Variants in TYR observed in about 807,000 individuals in gnomAD.
TYR encodes the protein LB24-AB.
A neutral mutation model predicts 51.5 loss-of-function variants in TYR; 58 were observed. The ratio of observed to expected loss-of-function variants is 1.13; its 90% CI spans 0.91 to 1.40. The LOEUF is 1.40. TYR is among the 40% of genes most tolerant of loss of function. The pLI, the probability that TYR is intolerant of heterozygous loss-of-function variation, is 0.00. For missense variants in TYR, 732 were observed against 647.4 expected, an observed-to-expected ratio of 1.13 and a Z score of -1.42; for synonymous variants, 263 against 235.2, an observed-to-expected ratio of 1.12 and a Z score of -1.08.
chr11:89,201,245 CT>C (rs990722786), intron 2 of TYR, among the ~76,000 whole-genome samples: 4 of 151,248 alleles, frequency 2.6e-5, no homozygotes, highest in South Asian at 2.1e-4. Flanking sequence ...ATACCATTAG[CT>C]TTTTTTTTCT....
rs185763260 is a variant in TYR at position 89,231,079 on chromosome 11, G to A, written c.1184+3109G>A. Among the ~76,000 whole-genome samples the A allele has an allele frequency of 4.0e-3, 601 of 148,810 alleles. 5 individuals are homozygous for A. Among genetic ancestry groups the A allele is most frequent in the African/African-American group, 0.014 (565 of 40,118 alleles). ...CCAGCTACTCGGGAGGCTGAGGCAC[G>A]AGAATTGTTTTAACTTGGGAGGTAG... On this transcript the variant is annotated intron_variant, in intron 3 of 4. Transcript: ENST00000263321.
intron 1 of TYR, among the ~76,000 whole-genome samples, chr11:89,182,353 T>G (rs533183809): frequency 6.6e-6 from 1 of 152,168 alleles, no homozygotes; most frequent in African/African-American, 2.4e-5. Context: ...TCACTGCAGT[T>G]TTTTTATAGC....
chr11:89,269,548 C>G (rs187891762), intron 3 of TYR, among the ~76,000 whole-genome samples: 1 of 151,888 alleles, frequency 6.6e-6, no homozygotes, highest in Non-Finnish European at 1.5e-5. Flanking sequence ...GGTTCTTATA[C>G]TAAGTTTCTC....
At chr11:89,185,259 A>G (rs565357324) in intron 1 of TYR, among the ~76,000 whole-genome samples, 2 of 152,314 alleles carry the variant, frequency 1.3e-5, no homozygotes, top group Non-Finnish European at 2.9e-5. Flanking sequence ...TTTAATGTAT[A>G]TGGAGATATC....
At chr11:89,191,099 A>T in intron 1 of TYR, 103 bp from the exon 2 acceptor site, 1 of 1,001,184 alleles carries the variant, frequency 1.0e-6, no homozygotes, top group Non-Finnish European at 1.6e-6. Context: ...TAATCTCCTC[A>T]GGAGAAGTCT....
chr11:89,264,626 T>C (rs1440721066), intron 3 of TYR, among the ~76,000 whole-genome samples: 1 of 151,958 alleles, frequency 6.6e-6, no homozygotes, highest in Non-Finnish European at 1.5e-5. Context: ...CATATGTTCA[T>C]TGTAGCACTA....
intron 2 of TYR, among the ~76,000 whole-genome samples, chr11:89,204,384 C>T (rs1412274187): frequency 2.0e-5 from 3 of 148,956 alleles, no homozygotes; most frequent in African/African-American, 7.7e-5. Context: ...CAGAGAAAGC[C>T]AGGAGATTAT....
chr11:89,254,854 C>T (rs1048158009), intron 3 of TYR, among the ~76,000 whole-genome samples: 2 of 151,264 alleles, frequency 1.3e-5, no homozygotes, highest in Non-Finnish European at 3.0e-5. Context: ...ATTTCTTTTG[C>T]TGGGTTTGGG....
intron 3 of TYR, among the ~76,000 whole-genome samples, chr11:89,253,862 G>A (rs1944358267): frequency 6.6e-6 from 1 of 151,686 alleles, no homozygotes; most frequent in Non-Finnish European, 1.5e-5. Context: ...CCAGTATTAT[G>A]TTGAATGGAA....
chr11:89,277,829 G>A (rs1351825654), intron 3 of TYR, among the ~76,000 whole-genome samples: 1 of 151,540 alleles, frequency 6.6e-6, no homozygotes, highest in African/African-American at 2.4e-5. Context: ...TCCCCCTGAT[G>A]CGTGCATATC....
chr11:89,280,072 T>C (rs1481958751), intron 3 of TYR, among the ~76,000 whole-genome samples: 1 of 151,706 alleles, frequency 6.6e-6, no homozygotes, highest in Non-Finnish European at 1.5e-5. Context: ...TGATTTCAGT[T>C]GACTACTCTG....
chr11:89,251,310 A>G (rs1944328706), intron 3 of TYR, among the ~76,000 whole-genome samples: 1 of 151,966 alleles, frequency 6.6e-6, no homozygotes. Flanking sequence ...ATGACTGTTT[A>G]TTAATGTAAT....
intron 2 of TYR, among the ~76,000 whole-genome samples, chr11:89,214,358 C>T (rs1019278958): frequency 7.9e-5 from 12 of 152,040 alleles, no homozygotes; most frequent in African/African-American, 2.4e-4. Context: ...GTTAGAATGG[C>T]GATCATTAAA....
chr11:89,264,622 T>A (rs1321977430), intron 3 of TYR, among the ~76,000 whole-genome samples: 1 of 151,964 alleles, frequency 6.6e-6, no homozygotes, highest in Non-Finnish European at 1.5e-5. Flanking sequence ...CATGCATATG[T>A]TCATTGTAGC....
chr11:89,246,787 T>C (rs144882935), intron 3 of TYR, among the ~76,000 whole-genome samples: 6,212 of 151,836 alleles, frequency 0.041, 209 homozygotes, highest in South Asian at 0.12. Context: ...CCAGAAACAG[T>C]CCAACCAGAA....
At chr11:89,254,144 T>C (rs904938731) in intron 3 of TYR, among the ~76,000 whole-genome samples, 9 of 151,892 alleles carry the variant, frequency 5.9e-5, no homozygotes, top group Non-Finnish European at 1.0e-4. Flanking sequence ...CTTGTTTACA[T>C]TAAACTATCC....
intron 2 of TYR, chr11:89,200,525 T>G (rs1943583814): frequency 6.7e-6 from 1 of 149,976 alleles, no homozygotes; most frequent in Non-Finnish European, 1.5e-5. Context: ...CCAGCTTTTA[T>G]TTATGTGGGT....
At position 89,289,065 on chromosome 11, in the gene TYR, G is replaced by A. The variant is rs549842689; in HGVS notation, c.1366+4111G>A. Among the ~76,000 whole-genome samples, 93 of 152,094 alleles carry A rather than the reference G, an allele frequency of 6.1e-4. 1 individual carries two copies. The highest frequency in any genetic ancestry group is 2.2e-3 in the African/African-American group (90 of 41,516). ...TTCTTTAGAAAATTGAGTAGCAGGT[G>A]ATTTTCTCATATGTATAACTAATTT... is the stretch of plus-strand genomic sequence containing the variant. On this transcript the variant is annotated intron_variant, in intron 4 of 4. Coordinates refer to ENST00000263321, the MANE Select transcript of TYR (RefSeq NM_000372.5).
chr11:89,181,200 G>T (rs1943295588), intron 1 of TYR, among the ~76,000 whole-genome samples: 1 of 152,156 alleles, frequency 6.6e-6, no homozygotes, highest in Admixed American at 6.6e-5. Context: ...ACTTTTAGTA[G>T]AGATGGGGTT....
Sources: allele counts gnomAD v4.1 joint callset (sites outside exome capture counted in the v4.1 genomes callset), GRCh38; gene constraint gnomAD v4.1.1; transcripts MANE v1.5; gene names NCBI Gene and HGNC (gene_info 2026-07-23, HGNC 2026-07-21).